The following DAB2IP variants were observed in gnomAD, a reference collection of about 807,000 sequenced individuals.
The protein encoded by DAB2IP is disabled homolog 2-interacting protein.
DAB2IP carries 28 observed loss-of-function variants against 107.2 expected under a neutral mutation model. That is an observed-to-expected ratio of 0.26 (90% CI 0.19 to 0.36). DAB2IP has a LOEUF of 0.36. DAB2IP is among the 10% of genes least tolerant of loss of function. DAB2IP has a pLI of 1.00. For missense variants in DAB2IP, 1,400 were observed against 1,644.7 expected (o/e 0.85, Z 2.57); for synonymous variants, 755 against 706.4 (o/e 1.07, Z -1.09).
chr9:121,659,157 G>T (rs956919354), intron 1 of DAB2IP, among the ~76,000 whole-genome samples: 4 of 152,246 alleles, frequency 2.6e-5, no homozygotes, highest in Non-Finnish European at 4.4e-5. Context: ...GGGAGAAGAG[G>T]AGAGAGTGGG....
chr9:121,601,304 C>T (rs956028050), intron 1 of DAB2IP, among the ~76,000 whole-genome samples: 4 of 152,176 alleles, frequency 2.6e-5, no homozygotes, highest in African/African-American at 9.7e-5. Context: ...CTCCTATCCC[C>T]GCATTCTTCC....
intron 1 of DAB2IP, among the ~76,000 whole-genome samples, chr9:121,661,953 C>A (rs1833226915): frequency 6.6e-6 from 1 of 151,730 alleles, no homozygotes; most frequent in Non-Finnish European, 1.5e-5. Flanking sequence ...TGCACTCCGC[C>A]CTGGGCAACA....
intron 1 of DAB2IP, among the ~76,000 whole-genome samples, chr9:121,652,518 G>A (rs1435230159): frequency 6.6e-6 from 1 of 152,148 alleles, no homozygotes; most frequent in Non-Finnish European, 1.5e-5. Flanking sequence ...CTGCGTTTGG[G>A]CGGGTGGTGG....
intron 14 of DAB2IP, 108 bp from the exon 15 acceptor site, chr9:121,781,356 T>C: frequency 9.5e-7 from 1 of 1,055,270 alleles, no homozygotes; most frequent in Non-Finnish European, 1.4e-6. Flanking sequence ...AAGGAGGGGC[T>C]CTCCTAGTGT....
intron 3 of DAB2IP, among the ~76,000 whole-genome samples, chr9:121,729,180 A>G (rs1831387547): frequency 6.6e-6 from 1 of 152,208 alleles, no homozygotes. Context: ...ACTGAAGTGC[A>G]GAGAGGTTAG....
chr9:121,759,086 CTGGGATTGGGGG>C (rs1833697603), intron 5 of DAB2IP, 90 bp downstream of exon 5: 1 of 1,362,540 alleles, frequency 7.3e-7, no homozygotes, highest in Non-Finnish European at 1.0e-6. Context: ...GTGGTGTGGG[CTGGGATTGGGGG>C]TGGTCAGCCT....
intron 1 of DAB2IP, among the ~76,000 whole-genome samples, chr9:121,582,172 T>C (rs896312360): frequency 1.3e-5 from 2 of 152,104 alleles, no homozygotes; most frequent in African/African-American, 2.4e-5. Flanking sequence ...TGCCTGAGCG[T>C]CTCAGCACAA....
chr9:121,625,321 C>A (rs982652623), intron 1 of DAB2IP, among the ~76,000 whole-genome samples: 1 of 149,216 alleles, frequency 6.7e-6, no homozygotes, highest in Non-Finnish European at 1.5e-5. Context: ...CTCACTGAAG[C>A]CTCTGCCTCC....
At chr9:121,694,428 A>G (rs916287359) in intron 2 of DAB2IP, among the ~76,000 whole-genome samples, 1 of 152,172 alleles carries the variant, frequency 6.6e-6, no homozygotes, top group African/African-American at 2.4e-5. Context: ...GATTCGTCAG[A>G]ACAGAAGCTT....
At position 121,599,404 on chromosome 9, in the gene DAB2IP, C is replaced by G. The variant is rs1051112638; in HGVS notation, c.40+32176C>G. 6.6e-6 allele frequency among the ~76,000 whole-genome samples: 1 copy of G among 152,076 alleles called. No individual in the cohort carries two copies. Among genetic ancestry groups the G allele is most frequent in the South Asian group, 2.1e-4 (1 of 4,830 alleles). ...GGGCGGTGGTGGGGAGGTCGATTGA[C>G]CAAACAGGTGCGCCCCCGCCCCTCT... is the stretch of plus-strand genomic sequence containing the variant. On this transcript the variant is annotated intron_variant, in intron 1 of 16. Transcript: ENST00000259371. The surrounding 1 kb of genome is among the most constrained non-coding windows in gnomAD (Gnocchi z 6.9).
At chr9:121,745,984 C>T (rs746325670) in intron 3 of DAB2IP, among the ~76,000 whole-genome samples, 22 of 152,142 alleles carry the variant, frequency 1.4e-4, no homozygotes, top group Admixed American at 2.6e-4. Flanking sequence ...CTGCTTAAAA[C>T]GGCCTGTACT....
intron 11 of DAB2IP, 70 bp downstream of exon 11, chr9:121,770,794 C>A: frequency 6.4e-7 from 1 of 1,565,834 alleles, no homozygotes; most frequent in Non-Finnish European, 8.7e-7. Context: ...TCTGTAATCT[C>A]AGATGGGGAA....
intron 3 of DAB2IP, among the ~76,000 whole-genome samples, chr9:121,754,576 G>T: frequency 6.6e-6 from 1 of 152,178 alleles, no homozygotes; most frequent in East Asian, 1.9e-4. Flanking sequence ...GGCCGGGCCA[G>T]TCCAAGGTGT....
At chr9:121,580,337 G>A (rs1056393859) in intron 1 of DAB2IP, among the ~76,000 whole-genome samples, 1 of 152,210 alleles carries the variant, frequency 6.6e-6, no homozygotes, top group Admixed American at 6.5e-5. Context: ...AGGGTGGAGA[G>A]ACCTCTAGGG....
chr9:121,720,577 C>T (rs1830870598), intron 3 of DAB2IP, among the ~76,000 whole-genome samples: 1 of 152,136 alleles, frequency 6.6e-6, no homozygotes, highest in Non-Finnish European at 1.5e-5. Flanking sequence ...CAGGGAGGGG[C>T]AGAACCAGCC....
chr9:121,632,836 C>T (rs998366188), intron 1 of DAB2IP, among the ~76,000 whole-genome samples: 5 of 152,208 alleles, frequency 3.3e-5, no homozygotes, highest in African/African-American at 7.2e-5. Flanking sequence ...AAGAGGAATG[C>T]GGTGGGCAAG....
chr9:121,766,803 C>A, intron 9 of DAB2IP, 73 bp downstream of exon 9: 1 of 1,480,940 alleles, frequency 6.8e-7, no homozygotes, highest in Non-Finnish European at 9.3e-7. Flanking sequence ...GGGGGTGTTT[C>A]TGCCCCCAAG....
intron 3 of DAB2IP, among the ~76,000 whole-genome samples, chr9:121,715,343 C>T (rs1830542865): frequency 6.7e-6 from 1 of 148,286 alleles, no homozygotes; most frequent in African/African-American, 2.5e-5. Context: ...TTTTCTTTTT[C>T]TTTCTTTCTT....
intron 3 of DAB2IP, among the ~76,000 whole-genome samples, chr9:121,700,437 G>A (rs1829710943): frequency 6.6e-6 from 1 of 152,174 alleles, no homozygotes; most frequent in Non-Finnish European, 1.5e-5. Flanking sequence ...GTTAGAACAT[G>A]TCCCTGCCCA....
Sources: allele counts gnomAD v4.1 joint callset (sites outside exome capture counted in the v4.1 genomes callset), GRCh38; gene constraint gnomAD v4.1.1; non-coding constraint Gnocchi (gnomAD v3.1); transcripts MANE v1.5; gene names NCBI Gene and HGNC (gene_info 2026-07-23, HGNC 2026-07-21).